Variants in ACSM2B observed in about 807,000 individuals in gnomAD.
ACSM2B encodes acyl-coenzyme A synthetase ACSM2B, mitochondrial.
In ACSM2B, 58 loss-of-function variants were observed where a neutral mutation model predicts 78.6. The observed-to-expected ratio is 0.74, with a 90% CI of 0.60 to 0.92. The LOEUF (loss-of-function observed/expected upper bound fraction) is 0.92, where lower values mean the gene tolerates loss of function less well. Ranked by LOEUF, ACSM2B falls within the 40% of genes least tolerant of loss-of-function variation. The pLI is 0.00. For synonymous variants in ACSM2B, 257 were observed against 256.8 expected (o/e 1.00, Z -0.01); for missense variants, 688 against 711.2 (o/e 0.97, Z 0.37).
In ACSM2B at chr16:20,553,783, T is replaced by A; in HGVS notation, c.734A>T (p.Asp245Val). 1.2e-6 allele frequency: 2 copies of A among 1,606,928 alleles called. No homozygotes were observed. The highest frequency in any genetic ancestry group is 1.7e-6 in the Non-Finnish European group (2 of 1,174,442). ...GAGAAAGAGCTCAGCTTACCCAGCA[T>A]CCATCTTGGCCTTGAGGCCCAGGCT... is the stretch of plus-strand genomic sequence containing the variant. ...YSSLGLKAKM[D>V]AGWTGLQASD... Residue 245 changes from aspartate to valine, a missense_variant, in exon 5 of 14, where the codon GAT becomes GTT. Coordinates refer to ENST00000329697, the MANE Select transcript of ACSM2B (RefSeq NM_001105069.2).
chr16:20,549,654 T>C (rs776844710), intron 6 of ACSM2B: 2 of 347,406 alleles, frequency 5.8e-6, no homozygotes, highest in Admixed American at 7.8e-5. Context: ...TGAGTAACCA[T>C]GGCCATGACA....
intron 2 of ACSM2B, among the ~76,000 whole-genome samples, chr16:20,560,088 G>A (rs561732379): frequency 2.7e-4 from 41 of 150,788 alleles, no homozygotes; most frequent in Non-Finnish European, 4.9e-4. Flanking sequence ...TCATTGTTAT[G>A]CAACAATCAC....
intron 1 of ACSM2B, chr16:20,574,383 A>G (rs1171038512): frequency 6.6e-6 from 1 of 151,622 alleles, no homozygotes. Context: ...TCCTGAGGTG[A>G]ATTACATTCT....
rs1280724470 is a variant in ACSM2B at position 20,537,352 on chromosome 16, A to T, written c.1640T>A (p.Val547Asp). The T allele has an allele frequency of 5.0e-6, 8 of 1,613,976 alleles. No individual in the cohort carries two copies. The highest frequency in any genetic ancestry group is 6.8e-6 in the Non-Finnish European group (8 of 1,179,874). The change falls in exon 14 of 14, where the codon GTC becomes GAC. Residue 547 changes from valine to aspartate, a missense_variant. By Grantham distance (152) the Val-to-Asp change is radical. Transcript: ENST00000329697. Reference sequence around the variant, plus strand: ...TGTGACAGTCTTGGGCAGGTTCAAGACAAACTCTATCTGTTGAAAAACAAA... The same window carrying T: ...TGTGACAGTCTTGGGCAGGTTCAAGTCAAACTCTATCTGTTGAAAAACAAA... Reference protein sequence around the residue: ...PYKYPRKIEFVLNLPKTVTGK... With the variant: ...PYKYPRKIEFDLNLPKTVTGK...
intron 6 of ACSM2B, among the ~76,000 whole-genome samples, chr16:20,549,392 C>T (rs1406569410): frequency 6.6e-6 from 1 of 151,938 alleles, no homozygotes; most frequent in Non-Finnish European, 1.5e-5. Context: ...TCTGCAGAGT[C>T]CCAAGGAGGT....
At chr16:20,567,711 A>T (rs908407498) in intron 1 of ACSM2B, among the ~76,000 whole-genome samples, 1 of 139,374 alleles carries the variant, frequency 7.2e-6, no homozygotes, top group Non-Finnish European at 1.5e-5. Flanking sequence ...GTAAGCATTC[A>T]TGTCTTGTTC....
intron 8 of ACSM2B, 83 bp downstream of exon 8, chr16:20,547,979 G>A: frequency 6.3e-7 from 1 of 1,592,940 alleles, no homozygotes; most frequent in Admixed American, 1.8e-5. Flanking sequence ...AATGATACAT[G>A]GTGGCTAACA....
intron 2 of ACSM2B, among the ~76,000 whole-genome samples, chr16:20,563,288 C>CT (rs1265368443): frequency 6.6e-6 from 1 of 152,008 alleles, no homozygotes; most frequent in African/African-American, 2.4e-5. Flanking sequence ...TTTGAGTTCA[C>CT]TTTTTTGTGA....
chr16:20,549,975 C>T (rs2015255744), intron 6 of ACSM2B: 1 of 302,086 alleles, frequency 3.3e-6, no homozygotes, highest in African/African-American at 2.3e-5. Flanking sequence ...TGACACTAGG[C>T]TTTTTAGACA....
At chr16:20,540,331 C>A (rs986674356) in intron 13 of ACSM2B, among the ~76,000 whole-genome samples, 3 of 151,614 alleles carry the variant, frequency 2.0e-5, no homozygotes, top group Non-Finnish European at 4.4e-5. Context: ...TAACCTACAC[C>A]TCCCAGATTC....
chr16:20,567,147 A>G (rs1261393272), intron 1 of ACSM2B, among the ~76,000 whole-genome samples: 38 of 135,128 alleles, frequency 2.8e-4, no homozygotes, highest in African/African-American at 9.8e-4. Context: ...TATAATATAT[A>G]GTATAATAAG....
At chr16:20,553,632 G>GC in intron 5 of ACSM2B, 145 bp downstream of exon 5, 1 of 1,306,466 alleles carries the variant, frequency 7.7e-7, no homozygotes. Context: ...AGCATGTGAA[G>GC]CCATGTCCTC....
Position 20,536,528 on chromosome 16 carries a change from A to C in ACSM2B, c.*730T>G, listed in dbSNP as rs2014850633. ...TTGGAGTGACTTGCGGATGATTCTA[A>C]TGTCCCAGCCCCACACACAAGTCTT... is the stretch of plus-strand genomic sequence containing the variant. On this transcript the variant is annotated 3_prime_UTR_variant, in exon 14 of 14. Coordinates refer to ENST00000329697, the MANE Select transcript of ACSM2B (RefSeq NM_001105069.2). The C allele has an allele frequency of 6.6e-6, 1 of 152,094 alleles. No homozygotes were observed. Among genetic ancestry groups the C allele is most frequent in the African/African-American group, 2.4e-5 (1 of 41,414 alleles). 9.4% of individuals were successfully genotyped at this position (152,094 alleles called of 1,614,324 possible).
At chr16:20,545,289 G>A (rs183226101) in intron 9 of ACSM2B, 31 bp from the exon 10 acceptor site, 16 of 1,604,600 alleles carry the variant, frequency 1.0e-5, no homozygotes, top group Admixed American at 3.4e-5. Flanking sequence ...GAAGAATGAC[G>A]CACACAGCAG....
At chr16:20,543,101 A>G (rs765382642) in intron 11 of ACSM2B, 34 bp downstream of exon 11, 2 of 1,613,760 alleles carry the variant, frequency 1.2e-6, no homozygotes, top group Non-Finnish European at 1.7e-6. Flanking sequence ...GTAAAGACCC[A>G]GATTTCCCTT....
intron 8 of ACSM2B, chr16:20,547,164 T>C (rs1261871785): frequency 9.9e-7 from 1 of 1,014,904 alleles, no homozygotes; most frequent in Non-Finnish European, 1.2e-6. Flanking sequence ...AAGGGCAAGT[T>C]GATTGACCCA....
chr16:20,571,446 T>C (rs2016091431), intron 1 of ACSM2B, among the ~76,000 whole-genome samples: 2 of 151,964 alleles, frequency 1.3e-5, no homozygotes, highest in South Asian at 4.1e-4. Flanking sequence ...CTTGATATAA[T>C]TTCACTTTTC....
At chr16:20,573,255 A>T (rs1299439361) in intron 1 of ACSM2B, among the ~76,000 whole-genome samples, 1 of 151,236 alleles carries the variant, frequency 6.6e-6, no homozygotes, top group African/African-American at 2.4e-5. Context: ...TTCCCATGGG[A>T]TGTTCCCCTG....
chr16:20,573,218 G>C (rs1426296696), intron 1 of ACSM2B, among the ~76,000 whole-genome samples: 4 of 151,820 alleles, frequency 2.6e-5, no homozygotes, highest in Non-Finnish European at 5.9e-5. Flanking sequence ...AAGATCTGGG[G>C]CTCAAGGCTA....
Sources: gnomAD v4.1 joint callset for allele counts (sites outside exome capture counted in the v4.1 genomes callset) on GRCh38, gnomAD v4.1.1 for gene constraint, MANE v1.5 for transcripts, NCBI Gene and HGNC (gene_info 2026-07-23, HGNC 2026-07-21) for gene names.